Variants in WDR46 observed in about 807,000 individuals in gnomAD.
WDR46 encodes WD repeat-containing protein 46.
A neutral mutation model predicts 74.7 loss-of-function variants in WDR46; 58 were observed. The observed-to-expected ratio is 0.78, with a 90% CI of 0.63 to 0.97. WDR46 has a LOEUF of 0.97. WDR46 is among the 50% of genes least tolerant of loss of function. The pLI, the probability that WDR46 is intolerant of heterozygous loss-of-function variation, is 0.00. For missense variants in WDR46, 702 were observed against 790.1 expected, an observed-to-expected ratio of 0.89 and a Z score of 1.34; for synonymous variants, 278 against 297.3, an observed-to-expected ratio of 0.93 and a Z score of 0.67.
chr6:33,287,366 G>A lies in WDR46; in HGVS notation c.868C>T (p.Leu290=). ...RLEFLPFHFL[L]ATASETGFLT... ...CCATGGCCACTCACAGCTGTAGCCA[G>A]GAGGAAGTGGAAGGGCAGGAACTCA... The change falls in exon 8 of 15, where the codon CTG becomes TTG. Residue 290 remains leucine, a synonymous_variant. Coordinates refer to ENST00000374617, the MANE Select transcript of WDR46 (RefSeq NM_005452.6). 2 of 1,612,940 alleles carry A rather than the reference G, an allele frequency of 1.2e-6. No homozygotes were observed. The highest frequency in any genetic ancestry group is 8.5e-7 in the Non-Finnish European group (1 of 1,179,878).
Position 33,289,236 on chromosome 6 carries a change from A to G in WDR46, c.-66T>C. 2 of 1,555,588 alleles carry G rather than the reference A, an allele frequency of 1.3e-6. No individual in the cohort carries two copies. The highest frequency in any genetic ancestry group is 2.3e-5 in the East Asian group (1 of 44,166). Reference sequence around the variant, plus strand: ...CAGCTGCCACACAGTCGGCTTGAAAACTCCCGGAAGCCCTCTGTCCTTCAT... The same window carrying G: ...CAGCTGCCACACAGTCGGCTTGAAAGCTCCCGGAAGCCCTCTGTCCTTCAT... On this transcript the variant is annotated 5_prime_UTR_variant, in exon 1 of 15. Coordinates refer to ENST00000374617, the MANE Select transcript of WDR46 (RefSeq NM_005452.6).
At chr6:33,283,897 C>T (rs1026920885) in intron 10 of WDR46, among the ~76,000 whole-genome samples, 2 of 151,548 alleles carry the variant, frequency 1.3e-5, no homozygotes, top group Non-Finnish European at 1.5e-5. Flanking sequence ...GACTCCGTCT[C>T]GAAAAATAGT....
At position 33,279,218 on chromosome 6, in the gene WDR46, C is replaced by T. The variant is rs368631283; in HGVS notation, c.*58G>A. On this transcript the variant is annotated 3_prime_UTR_variant, in exon 15 of 15. Transcript: ENST00000374617. The stretch of plus-strand genomic sequence containing the variant: ...CCACCTCCTTGTTCCAGGGAACACT[C>T]ATTTCCCTACAGGTGATCTTGGGGA... The T allele has an allele frequency of 6.2e-7, 1 of 1,601,516 alleles. No homozygotes were observed. The highest frequency in any genetic ancestry group is 8.5e-7 in the Non-Finnish European group (1 of 1,171,162).
intron 6 of WDR46, 21 bp downstream of exon 6, chr6:33,287,944 G>T (rs200501165): frequency 3.7e-6 from 6 of 1,613,248 alleles, no homozygotes; most frequent in Non-Finnish European, 5.1e-6. Context: ...TAGTTCAAGA[G>T]TCACTAGAAT....
rs927054494 is a variant in WDR46 at position 33,288,384 on chromosome 6, A to T, written c.447T>A (p.Ser149=). 6.2e-7 allele frequency: 1 copy of T among 1,614,198 alleles called. No individual in the cohort carries two copies. The highest frequency in any genetic ancestry group is 1.6e-4 in the Middle Eastern group (1 of 6,062). Residue 149 remains serine, a synonymous_variant, in exon 4 of 15, where the codon TCT becomes TCA. Coordinates refer to ENST00000374617, the MANE Select transcript of WDR46 (RefSeq NM_005452.6). ...EEETSIKAAR[S]ELLLAEEPGF... is the part of the protein sequence containing the mutation. ...CAGGTTCTTCAGCAAGCAGCAGCTC[A>T]GAACGAGCAGCTTTGATACTTGTTT...
At position 33,287,607 on chromosome 6, in the gene WDR46, C is replaced by T. The variant is rs749565637; in HGVS notation, c.728+7G>A. The T allele has an allele frequency of 6.2e-7, 1 of 1,613,874 alleles. No homozygotes were observed. Among genetic ancestry groups the T allele is most frequent in the Non-Finnish European group, 8.5e-7 (1 of 1,180,010 alleles). ...CCCAACTGACCGCTGACAGTGAGGC[C>T]ACTGACCGGATGTCCCGCACCGCCT... On this transcript the variant is annotated splice_region_variant and intron_variant, in intron 7 of 14. Coordinates refer to ENST00000374617, the MANE Select transcript of WDR46 (RefSeq NM_005452.6).
At position 33,287,635 on chromosome 6, in the gene WDR46, A is replaced by G; in HGVS notation, c.707T>C (p.Met236Thr). The G allele has an allele frequency of 1.2e-6, 2 of 1,613,936 alleles. No homozygotes were observed. The highest frequency in any genetic ancestry group is 1.6e-4 in the Middle Eastern group (1 of 6,062). Reference sequence around the variant, plus strand: ...TGACCGGATGTCCCGCACCGCCTCCATGACGTTGATCTCGCACATAAGCTT... The same window carrying G: ...TGACCGGATGTCCCGCACCGCCTCCGTGACGTTGATCTCGCACATAAGCTT... Reference protein sequence around the residue: ...TKKLMCEINVMEAVRDIRFLH... With the variant: ...TKKLMCEINVTEAVRDIRFLH... The change falls in exon 7 of 15, where the codon ATG becomes ACG. Residue 236 changes from methionine to threonine, a missense_variant. By Grantham distance (81) the Met-to-Thr change is moderately conservative (BLOSUM62 -1). Transcript: ENST00000374617.
intron 5 of WDR46, 42 bp downstream of exon 5, chr6:33,288,106 C>T (rs1766855325): frequency 6.2e-7 from 1 of 1,614,094 alleles, no homozygotes. Flanking sequence ...TTGTCCTGCA[C>T]CACCAATCAA....
At chr6:33,283,521 C>G (rs866182970) in intron 10 of WDR46, among the ~76,000 whole-genome samples, 4 of 152,230 alleles carry the variant, frequency 2.6e-5, no homozygotes, top group South Asian at 4.1e-4. Context: ...GAGAGCAGGT[C>G]AAGAGAAACT....
intron 10 of WDR46, among the ~76,000 whole-genome samples, chr6:33,283,999 T>C (rs443972): frequency 0.033 from 4,969 of 151,696 alleles, 109 homozygotes; most frequent in Middle Eastern, 0.075. Flanking sequence ...ATCCCAACAC[T>C]TGCACTTTGG....
chr6:33,279,924 A>C lies in WDR46; in HGVS notation c.1525-65T>G, dbSNP rs1021840861. On this transcript the variant is annotated intron_variant, in intron 12 of 14. Coordinates refer to ENST00000374617, the MANE Select transcript of WDR46 (RefSeq NM_005452.6). ...ACAGGAGGGTAGCACCAAAAAGAGA[A>C]GCCAGGGAGGCTGCTGAACCCCTCT... 60 of 1,541,454 alleles carry C rather than the reference A, an allele frequency of 3.9e-5. No homozygotes were observed. In the Admixed American group the frequency reaches 1.1e-3, roughly 28 times the overall value.
At chr6:33,288,520 G>A in intron 3 of WDR46, 50 bp from the exon 4 acceptor site, 1 of 1,610,172 alleles carries the variant, frequency 6.2e-7, no homozygotes, top group Non-Finnish European at 8.5e-7. Flanking sequence ...CAGGATAAGT[G>A]GGGTCACAGG....
intron 10 of WDR46, 71 bp from the exon 11 acceptor site, chr6:33,281,058 G>A: frequency 6.7e-7 from 1 of 1,492,914 alleles, no homozygotes; most frequent in East Asian, 2.3e-5. Context: ...GCCAAGTCCA[G>A]GCATCAAGTC....
At chr6:33,288,558 A>G in intron 3 of WDR46, 56 bp downstream of exon 3, 2 of 1,606,954 alleles carry the variant, frequency 1.2e-6, no homozygotes, top group Non-Finnish European at 1.7e-6. Flanking sequence ...CCTCCATCCA[A>G]CTCACCCAGA....
chr6:33,280,402 C>T, intron 12 of WDR46, 26 bp downstream of exon 12: 1 of 1,555,056 alleles, frequency 6.4e-7, no homozygotes, highest in Non-Finnish European at 8.7e-7. Context: ...GGGGGGATCT[C>T]ACCCTCTCCA....
At position 33,289,167 on chromosome 6, in the gene WDR46, C is replaced by G. The variant is rs759625328; in HGVS notation, c.4G>C (p.Glu2Gln). 6.2e-7 allele frequency: 1 copy of G among 1,610,972 alleles called. No homozygotes were observed. The highest frequency in any genetic ancestry group is 8.5e-7 in the Non-Finnish European group (1 of 1,178,524). Residue 2 changes from glutamate to glutamine, a missense_variant, in exon 1 of 15, where the codon GAG (glutamate) becomes CAG (glutamine). Glu to Gln is a conservative substitution (Grantham distance 29, BLOSUM62 2). Coordinates refer to ENST00000374617, the MANE Select transcript of WDR46 (RefSeq NM_005452.6). M[E>Q]TAPKPGKDVP... ...TCCTTGCCCGGCTTGGGGGCTGTCT[C>G]CATCTCGCCCACCCGAACGGCGATC...
Position 33,288,355 on chromosome 6 carries a change from C to A in WDR46, c.473+3G>T, listed in dbSNP as rs1462342310. 1 of 1,614,136 alleles carries A rather than the reference C, an allele frequency of 6.2e-7. No homozygotes were observed. Among genetic ancestry groups the A allele is most frequent in the Admixed American group, 1.7e-5 (1 of 60,028 alleles). ...ATGGGGGTCCAGATTAGGGCTCACTCACCCAGGTTCTTCAGCAAGCAGCAG... is the reference window on the plus strand; with the variant it reads ...ATGGGGGTCCAGATTAGGGCTCACTAACCCAGGTTCTTCAGCAAGCAGCAG... On this transcript the variant is annotated splice_donor_region_variant and intron_variant, in intron 4 of 14. Transcript: ENST00000374617.
chr6:33,285,246 A>G (rs1182076968), intron 10 of WDR46, among the ~76,000 whole-genome samples: 1 of 151,884 alleles, frequency 6.6e-6, no homozygotes, highest in African/African-American at 2.4e-5. Context: ...TCTGTTGCCC[A>G]TGCTAGAGTG....
At position 33,279,854 on chromosome 6, in the gene WDR46, A is replaced by C; in HGVS notation, c.1530T>G (p.Pro510=). Residue 510 remains proline, a synonymous_variant, in exon 13 of 15, where the codon CCT becomes CCG. Transcript: ENST00000374617. ...GTGGGTCCAGACAAATAAGCTCTGC[A>C]GGTACCTGGGGGTGTCACAGAGGGA... ...WEVKALLEKV[P]AELICLDPRA... 6.2e-7 allele frequency: 1 copy of C among 1,613,988 alleles called. No homozygotes were observed. The highest frequency in any genetic ancestry group is 1.1e-5 in the South Asian group (1 of 91,074).
Sources: allele counts gnomAD v4.1 joint callset (sites outside exome capture counted in the v4.1 genomes callset), GRCh38; gene constraint gnomAD v4.1.1; transcripts MANE v1.5; gene names NCBI Gene and HGNC (gene_info 2026-07-23, HGNC 2026-07-21).